Variants in GTF2A2 observed in about 807,000 individuals in gnomAD.
GTF2A2 encodes the protein general transcription factor IIA subunit 2.
In GTF2A2, 9 loss-of-function variants were observed where a neutral mutation model predicts 14.3. The ratio of observed to expected loss-of-function variants is 0.63; its 90% CI spans 0.38 to 1.10. The LOEUF (loss-of-function observed/expected upper bound fraction) is 1.10, where lower values mean the gene tolerates loss of function less well. Ranked by LOEUF, GTF2A2 falls within the 50% of genes least tolerant of loss-of-function variation. The probability of loss-of-function intolerance (pLI) is 0.01; values close to 1 mark genes in which losing one functional copy is unlikely to be tolerated. For synonymous variants in GTF2A2, 56 were observed against 46.0 expected (o/e 1.22, Z -0.88); for missense variants, 90 against 124.6 (o/e 0.72, Z 1.32).
At chr15:59,648,860 G>C (rs577067682) in intron 3 of GTF2A2, among the ~76,000 whole-genome samples, 4 of 152,064 alleles carry the variant, frequency 2.6e-5, no homozygotes, top group Non-Finnish European at 4.4e-5. Context: ...CGTGAACCCG[G>C]GAGGCGGAGC....
chr15:59,644,445 T>C (rs916685799), intron 3 of GTF2A2: 5 of 152,172 alleles, frequency 3.3e-5, no homozygotes, highest in African/African-American at 1.2e-4. Context: ...GTGATAGCTA[T>C]GAATGAATGA....
intron 3 of GTF2A2, among the ~76,000 whole-genome samples, chr15:59,647,646 T>C (rs1237023866): frequency 6.6e-6 from 1 of 151,962 alleles, no homozygotes; most frequent in African/African-American, 2.4e-5. Flanking sequence ...TGGCGCGATC[T>C]TGGCTCACTG....
In GTF2A2 at chr15:59,639,163, A is replaced by G; in HGVS notation, c.305-6T>C. The G allele has an allele frequency of 6.9e-7, 1 of 1,443,264 alleles. No homozygotes were observed. The highest frequency in any genetic ancestry group is 9.7e-7 in the Non-Finnish European group (1 of 1,028,598). 89.4% of individuals were successfully genotyped at this position (1,443,264 alleles called of 1,614,324 possible). On this transcript the variant is annotated splice_region_variant and splice_polypyrimidine_tract_variant and intron_variant, in intron 4 of 4. Transcript: ENST00000396060. Reference sequence around the variant, plus strand: ...TGTAGTATTGGAGCCAGTATCTAGGAAACAAAAGAGAAAGTAAAGTAAAGT... The same window carrying G: ...TGTAGTATTGGAGCCAGTATCTAGGGAACAAAAGAGAAAGTAAAGTAAAGT...
At chr15:59,640,318 C>T (rs1037524462) in intron 4 of GTF2A2, 3 of 152,160 alleles carry the variant, frequency 2.0e-5, no homozygotes, top group South Asian at 2.1e-4. Flanking sequence ...CAGTAAAATA[C>T]GTATCTTTAC....
At chr15:59,650,799 C>T in intron 2 of GTF2A2, 26 bp from the exon 3 acceptor site, 4 of 1,188,558 alleles carry the variant, frequency 3.4e-6, no homozygotes, top group Non-Finnish European at 5.0e-6. Context: ...GGTCATAAAT[C>T]CCGTTAAGGA....
chr15:59,648,126 T>C (rs1315919041), intron 3 of GTF2A2, among the ~76,000 whole-genome samples: 1 of 151,958 alleles, frequency 6.6e-6, no homozygotes, highest in Non-Finnish European at 1.5e-5. Context: ...AGCCTAGTTA[T>C]GGCCGGGTGC....
At chr15:59,639,231 A>T in intron 4 of GTF2A2, 74 bp from the exon 5 acceptor site, 1 of 865,812 alleles carries the variant, frequency 1.2e-6, no homozygotes, top group Non-Finnish European at 2.0e-6. Flanking sequence ...CTATTTTAAG[A>T]CTATCAAAAA....
At chr15:59,650,422 CAT>C (rs1566932910) in intron 3 of GTF2A2, among the ~76,000 whole-genome samples, 1 of 152,154 alleles carries the variant, frequency 6.6e-6, no homozygotes, top group Non-Finnish European at 1.5e-5. Context: ...GGTAGCCAAA[CAT>C]ACAAAGGCTG....
chr15:59,640,965 G>C (rs939113267), intron 4 of GTF2A2, among the ~76,000 whole-genome samples: 1 of 152,140 alleles, frequency 6.6e-6, no homozygotes. Flanking sequence ...ACTATAACAA[G>C]TCCCCAACAA....
chr15:59,654,852 A>G (rs1271153770), intron 1 of GTF2A2, among the ~76,000 whole-genome samples: 1 of 152,204 alleles, frequency 6.6e-6, no homozygotes, highest in East Asian at 1.9e-4. Context: ...ATTTTAGAAT[A>G]TCTGCATCGT....
chr15:59,645,798 T>C (rs1891584801), intron 3 of GTF2A2, among the ~76,000 whole-genome samples: 1 of 151,854 alleles, frequency 6.6e-6, no homozygotes, highest in South Asian at 2.1e-4. Context: ...CACTTCGGGA[T>C]GCTGAGGTGG....
At chr15:59,639,431 A>AC (rs1891312150) in intron 4 of GTF2A2, among the ~76,000 whole-genome samples, 1 of 150,924 alleles carries the variant, frequency 6.6e-6, no homozygotes, top group African/African-American at 2.4e-5. Flanking sequence ...TTGTTACATA[A>AC]CCTTTCTTCC....
At position 59,639,108 on chromosome 15, in the gene GTF2A2, G is replaced by T. The variant is rs773399619; in HGVS notation, c.*24C>A. ...AAAGCAATGAATAACAGAAGATGGT[G>T]TAAAAAAGTCATATTTTTTCTATTC... On this transcript the variant is annotated 3_prime_UTR_variant, in exon 5 of 5. Coordinates refer to ENST00000396060, the MANE Select transcript of GTF2A2 (RefSeq NM_004492.3). 12 of 1,330,640 alleles carry T rather than the reference G, an allele frequency of 9.0e-6. No individual in the cohort carries two copies. The highest frequency in any genetic ancestry group is 1.3e-5 in the Non-Finnish European group (12 of 924,382). 82.4% of individuals were successfully genotyped at this position (1,330,640 alleles called of 1,614,324 possible).
intron 1 of GTF2A2, chr15:59,656,703 G>A (rs183156388): frequency 6.6e-6 from 1 of 152,308 alleles, no homozygotes; most frequent in African/African-American, 2.4e-5. Context: ...AAACTCCACA[G>A]AGTAGGAATA....
At chr15:59,639,290 C>T (rs1234728462) in intron 4 of GTF2A2, 133 bp from the exon 5 acceptor site, 3 of 677,286 alleles carry the variant, frequency 4.4e-6, no homozygotes, top group South Asian at 1.6e-5. Flanking sequence ...TGGGGAAGAA[C>T]AGGAGGAAAG....
rs889574408 is a variant in GTF2A2 at position 59,638,941 on chromosome 15, G to A, written c.*191C>T. On this transcript the variant is annotated 3_prime_UTR_variant, in exon 5 of 5. Coordinates refer to ENST00000396060, the MANE Select transcript of GTF2A2 (RefSeq NM_004492.3). ...CTTTTGTCCTTAAAAAAAAGTTATG[G>A]TTTTTCATGCTGTATAATAAAGGTG... 17 of 499,680 alleles carry A rather than the reference G, an allele frequency of 3.4e-5. No individual in the cohort carries two copies. The highest frequency in any genetic ancestry group is 5.1e-5 in the Non-Finnish European group (14 of 274,748). 31.0% of individuals were successfully genotyped at this position (499,680 alleles called of 1,614,324 possible). A position where few individuals can be genotyped will look rare whatever the true frequency, so the allele number is the denominator to read the frequency against.
chr15:59,647,449 T>C (rs1399981138), intron 3 of GTF2A2, among the ~76,000 whole-genome samples: 2 of 152,152 alleles, frequency 1.3e-5, no homozygotes, highest in Admixed American at 1.3e-4. Flanking sequence ...ATTCAAAAAG[T>C]TTCTTCTATA....
chr15:59,654,851 T>C (rs1413631251), intron 1 of GTF2A2, among the ~76,000 whole-genome samples: 3 of 152,208 alleles, frequency 2.0e-5, no homozygotes, highest in African/African-American at 7.2e-5. Context: ...GATTTTAGAA[T>C]ATCTGCATCG....
intron 3 of GTF2A2, among the ~76,000 whole-genome samples, chr15:59,643,072 ATTTT>A (rs398043378): frequency 1.6e-5 from 1 of 64,090 alleles, no homozygotes; most frequent in African/African-American, 7.0e-5. Context: ...GGCCTATATA[ATTTT>A]TTTTTTTTTT....
Sources: gnomAD v4.1 joint callset for allele counts (sites outside exome capture counted in the v4.1 genomes callset) on GRCh38, gnomAD v4.1.1 for gene constraint, MANE v1.5 for transcripts, NCBI Gene and HGNC (gene_info 2026-07-23, HGNC 2026-07-21) for gene names.